UGT2B17: variants seen among roughly 807,000 people sequenced by gnomAD.
The protein encoded by UGT2B17 is UDP-glucuronosyltransferase 2B17.
A neutral mutation model predicts 48.2 loss-of-function variants in UGT2B17; 21 were observed. The ratio of observed to expected loss-of-function variants is 0.44; its 90% CI spans 0.31 to 0.63. The LOEUF (loss-of-function observed/expected upper bound fraction) is 0.63. Ranked by LOEUF, UGT2B17 falls within the 20% of genes least tolerant of loss-of-function variation. UGT2B17 has a pLI of 0.08. For missense variants in UGT2B17, 402 were observed against 696.1 expected (o/e 0.58, Z 4.75); for synonymous variants, 146 against 238.4 (o/e 0.61, Z 3.57).
chr4:68,559,614 CA>C (rs1731065707), intron 4 of UGT2B17, among the ~76,000 whole-genome samples: 1 of 126,124 alleles, frequency 7.9e-6, no homozygotes. Flanking sequence ...GTGTTTTCAG[CA>C]AAAACTTGCA....
intron 4 of UGT2B17, among the ~76,000 whole-genome samples, chr4:68,552,115 G>A (rs1730926675): frequency 1.6e-5 from 2 of 126,046 alleles, no homozygotes; most frequent in Admixed American, 8.1e-5. Context: ...AATCAATTTG[G>A]TATATAAAAA....
In UGT2B17 at chr4:68,538,991, C is replaced by T. The variant is rs1466750481; in HGVS notation, c.1314-1087G>A. Reference sequence around the variant, plus strand: ...AATGATACCTCTTAGAGAGTGTTTTCCTGGCCACACTATAGGCACCCATAG... The same window carrying T: ...AATGATACCTCTTAGAGAGTGTTTTTCTGGCCACACTATAGGCACCCATAG... On this transcript the variant is annotated intron_variant, in intron 6 of 6. Coordinates refer to ENST00000317746, the MANE Select transcript of UGT2B17 (RefSeq NM_001077.4). Among the ~76,000 whole-genome samples the T allele has an allele frequency of 5.6e-5, 7 of 125,820 alleles. 1 individual carries two copies. The highest frequency in any genetic ancestry group is 1.9e-4 in the African/African-American group (7 of 36,868). The allele number at this position is 125,820 out of a possible 152,430, so 82.5% of individuals were successfully genotyped here.
rs1220047060 is a variant in UGT2B17 at position 68,541,912 on chromosome 4, A to G, written c.1314-4008T>C. ...TTTATTAAATAGGGAATCCTTTCCC[A>G]TTGCTTGTTTTTGTCAGTTTTGTCG... On this transcript the variant is annotated intron_variant, in intron 6 of 6. Transcript: ENST00000317746. Among the ~76,000 whole-genome samples the G allele has an allele frequency of 4.0e-5, 5 of 125,800 alleles. 2 individuals are homozygous for G. The highest frequency in any genetic ancestry group is 1.4e-4 in the African/African-American group (5 of 36,716). The allele number at this position is 125,800 out of a possible 152,430, so 82.5% of individuals were successfully genotyped here.
chr4:68,568,990 ACT>A (rs1731257465), intron 1 of UGT2B17, among the ~76,000 whole-genome samples: 1 of 137,204 alleles, frequency 7.3e-6, no homozygotes, highest in Admixed American at 7.3e-5. Context: ...CTAACCCCCC[ACT>A]CTGAAATTTT....
At chr4:68,543,885 A>T (rs920514576) in intron 6 of UGT2B17, among the ~76,000 whole-genome samples, 3 of 125,896 alleles carry the variant, frequency 2.4e-5, no homozygotes, top group African/African-American at 8.2e-5. Context: ...TTAGACAAAA[A>T]AGAATAAAAA....
chr4:68,550,565 A>T, intron 6 of UGT2B17, 112 bp downstream of exon 6: 2 of 833,594 alleles, frequency 2.4e-6, no homozygotes, highest in Non-Finnish European at 3.2e-6. Flanking sequence ...TACATTGGTT[A>T]AATCACTTCA....
chr4:68,543,207 C>A lies in UGT2B17; in HGVS notation c.1314-5303G>T. Among the ~76,000 whole-genome samples the A allele has an allele frequency of 1.6e-5, 2 of 125,472 alleles. 1 individual carries two copies. The highest frequency in any genetic ancestry group is 3.4e-5 in the Non-Finnish European group (2 of 59,324). The allele number at this position is 125,472 out of a possible 152,430, so 82.3% of individuals were successfully genotyped here. On this transcript the variant is annotated intron_variant, in intron 6 of 6. Transcript: ENST00000317746. ...ACCCCCCAGTAGGGGCAGACTGACA[C>A]CTCACACAGCCGGGTACTCCTCTGA...
At position 68,568,306 on chromosome 4, in the gene UGT2B17, G is replaced by A. The variant is rs771241716; in HGVS notation, c.179C>T (p.Ala60Val). 5.8e-5 allele frequency: 80 copies of A among 1,378,070 alleles called. 13 individuals are homozygous for A. The Middle Eastern group carries it at 1.2e-3, about 21-fold the overall frequency. The allele number at this position is 1,378,070 out of a possible 1,614,324, so 85.4% of individuals were successfully genotyped here. ...GHEVIVLTSS[A>V]SILVNASKSS... ...TTTACTGGCATTGACAAGAATAGAA[G>A]CCGAAGATGTCAACACAATCACCTC... The change falls in exon 2 of 7, where the codon GCT (alanine) becomes GTT (valine). Residue 60 changes from alanine to valine, a missense_variant. Coordinates refer to ENST00000317746, the MANE Select transcript of UGT2B17 (RefSeq NM_001077.4).
At position 68,544,844 on chromosome 4, in the gene UGT2B17, A is replaced by G. The variant is rs1302179272; in HGVS notation, c.1313+5833T>C. ...AAACCAGCAAAGATCAAAAGAGACA[A>G]GGCCATTACATAATGGTAAAGGGAT... On this transcript the variant is annotated intron_variant, in intron 6 of 6. Coordinates refer to ENST00000317746, the MANE Select transcript of UGT2B17 (RefSeq NM_001077.4). 1.6e-5 allele frequency among the ~76,000 whole-genome samples: 2 copies of G among 126,378 alleles called. 1 individual carries two copies. The highest frequency in any genetic ancestry group is 3.4e-5 in the Non-Finnish European group (2 of 59,656). 82.9% of individuals were successfully genotyped at this position (126,378 alleles called of 152,430 possible). A position where few individuals can be genotyped will look rare whatever the true frequency, so the allele number is the denominator to read the frequency against.
rs936128497 is a variant in UGT2B17, at chr4:68,572,496, C to T, written c.-65+3455G>A. Among the ~76,000 whole-genome samples, 15 of 125,432 alleles carry T rather than the reference C, an allele frequency of 1.2e-4. 3 individuals carry two copies. The highest frequency in any genetic ancestry group is 2.2e-4 in the Non-Finnish European group (13 of 59,396). 82.3% of individuals were successfully genotyped at this position (125,432 alleles called of 152,430 possible). A position where few individuals can be genotyped will look rare whatever the true frequency, so the allele number is the denominator to read the frequency against. On this transcript the variant is annotated intron_variant, in intron 1 of 6. Transcript: ENST00000317746. Reference sequence around the variant, plus strand: ...AATTTTTTTAGAGTCCTCGGGCGTCCGTGATATTAGTGTTAGTCAGTTTTG... The same window carrying T: ...AATTTTTTTAGAGTCCTCGGGCGTCTGTGATATTAGTGTTAGTCAGTTTTG...
intron 3 of UGT2B17, among the ~76,000 whole-genome samples, chr4:68,563,453 T>C (rs566013233): frequency 1.6e-5 from 2 of 126,048 alleles, no homozygotes; most frequent in African/African-American, 2.7e-5. Context: ...CTACTAAAAA[T>C]ACAAAAATTA....
intron 5 of UGT2B17, 56 bp downstream of exon 5, chr4:68,551,768 A>G: frequency 9.3e-7 from 1 of 1,069,544 alleles, no homozygotes; most frequent in Non-Finnish European, 1.2e-6. Flanking sequence ...TTGAAATATT[A>G]TCACTTCTAA....
At position 68,551,470 on chromosome 4, in the gene UGT2B17, A is replaced by AT. The variant is rs1730913297; in HGVS notation, c.1093+353dup. Reference sequence around the variant, plus strand: ...CACTGGTAATAGAAGAATGTCTGTTATTTTTCAGTACCTGTTGAAATAACC... The same window carrying AT: ...CACTGGTAATAGAAGAATGTCTGTTATTTTTTCAGTACCTGTTGAAATAACC... On this transcript the variant is annotated intron_variant, in intron 5 of 6. Coordinates refer to ENST00000317746, the MANE Select transcript of UGT2B17 (RefSeq NM_001077.4). Among the ~76,000 whole-genome samples, 2 of 124,586 alleles carry AT rather than the reference A, an allele frequency of 1.6e-5. 1 individual carries two copies. Among genetic ancestry groups the AT allele is most frequent in the African/African-American group, 5.5e-5 (2 of 36,626 alleles). 81.7% of individuals were successfully genotyped at this position (124,586 alleles called of 152,430 possible). A position where few individuals can be genotyped will look rare whatever the true frequency, so the allele number is the denominator to read the frequency against.
intron 3 of UGT2B17, among the ~76,000 whole-genome samples, chr4:68,561,668 A>G (rs1423646362): frequency 8.1e-6 from 1 of 123,188 alleles, no homozygotes; most frequent in African/African-American, 2.8e-5. Flanking sequence ...AGCTCCTGGT[A>G]AATATGTGTT....
Position 68,567,867 on chromosome 4 carries a change from C to A in UGT2B17, c.618G>T (p.Met206Ile), listed in dbSNP as rs765305136. ...PVVMSELSDQ[M>I]IFMERIKNMI... ...TATTTTTTATCCTCTCCATGAAAAT[C>A]ATTTGATCACTTAATTCTGACATAA... is the stretch of plus-strand genomic sequence containing the variant. The change falls in exon 2 of 7, where the codon ATG (methionine) becomes ATT (isoleucine). Residue 206 changes from methionine to isoleucine, a missense_variant. Physicochemically the swap from Met to Ile is conservative, Grantham distance 10. This residue lies in a region of UGT2B17 where 106 missense variants were observed against 169.8 expected (regional missense o/e 0.62). Transcript: ENST00000317746. 9 of 1,376,762 alleles carry A rather than the reference C, an allele frequency of 6.5e-6. 3 individuals are homozygous for A. Among genetic ancestry groups the A allele is most frequent in the Middle Eastern group, 3.9e-4 (2 of 5,180 alleles). 85.3% of individuals were successfully genotyped at this position (1,376,762 alleles called of 1,614,324 possible). A position where few individuals can be genotyped will look rare whatever the true frequency, so the allele number is the denominator to read the frequency against.
At position 68,545,718 on chromosome 4, in the gene UGT2B17, T is replaced by C. The variant is rs369571621; in HGVS notation, c.1313+4959A>G. The stretch of plus-strand genomic sequence containing the variant: ...AGAAAAGAGAGACGAATCAAATAGA[T>C]GGAATAAAAATGATTAAGGGGGTAT... On this transcript the variant is annotated intron_variant, in intron 6 of 6. Transcript: ENST00000317746. Among the ~76,000 whole-genome samples, 17 of 124,402 alleles carry C rather than the reference T, an allele frequency of 1.4e-4. 6 individuals are homozygous for C. In the East Asian group the frequency reaches 8.4e-3, roughly 62 times the overall value. The allele number at this position is 124,402 out of a possible 152,430, so 81.6% of individuals were successfully genotyped here.
Position 68,547,227 on chromosome 4 carries a change from A to C in UGT2B17, c.1313+3450T>G, listed in dbSNP as rs1241390781. 1.6e-5 allele frequency among the ~76,000 whole-genome samples: 2 copies of C among 123,458 alleles called. 1 individual carries two copies. The highest frequency in any genetic ancestry group is 3.4e-5 in the Non-Finnish European group (2 of 58,550). The allele number at this position is 123,458 out of a possible 152,430, so 81.0% of individuals were successfully genotyped here. A position where few individuals can be genotyped will look rare whatever the true frequency, so the allele number is the denominator to read the frequency against. ...GCATGGTACTGGTACCAAAACAGAGATATAGACCAATGGAACAGAACAGAG... is the reference window on the plus strand; with the variant it reads ...GCATGGTACTGGTACCAAAACAGAGCTATAGACCAATGGAACAGAACAGAG... On this transcript the variant is annotated intron_variant, in intron 6 of 6. Transcript: ENST00000317746.
In UGT2B17 at chr4:68,553,975, T is replaced by TA. The variant is rs573223843; in HGVS notation, c.1006-2065dup. 8.8e-5 allele frequency among the ~76,000 whole-genome samples: 11 copies of TA among 124,800 alleles called. 4 individuals carry two copies. In the South Asian group the frequency reaches 4.2e-3, roughly 48 times the overall value. 81.9% of individuals were successfully genotyped at this position (124,800 alleles called of 152,430 possible). On this transcript the variant is annotated intron_variant, in intron 4 of 6. Transcript: ENST00000317746. ...TGGGAGTGTCTTGGGTTTGACCCCC[T>TA]ATGACATGCAGTGGTCCTGCAGGGA...
Position 68,538,550 on chromosome 4 carries a change from T to C in UGT2B17, c.1314-646A>G, listed in dbSNP as rs182658126. 2.6e-3 allele frequency among the ~76,000 whole-genome samples: 327 copies of C among 126,210 alleles called. 67 individuals are homozygous for C. The highest frequency in any genetic ancestry group is 8.4e-3 in the African/African-American group (312 of 37,002). 82.8% of individuals were successfully genotyped at this position (126,210 alleles called of 152,430 possible). ...ACTGTGCCCAGCCCATTTTGACATA[T>C]TTAAAGAAGAATTGTGTCACAACTG... is the stretch of plus-strand genomic sequence containing the variant. On this transcript the variant is annotated intron_variant, in intron 6 of 6. Coordinates refer to ENST00000317746, the MANE Select transcript of UGT2B17 (RefSeq NM_001077.4).
Sources: allele counts gnomAD v4.1 joint callset (sites outside exome capture counted in the v4.1 genomes callset), GRCh38; gene constraint gnomAD v4.1.1; regional missense constraint gnomAD v4.1.1; transcripts MANE v1.5; gene names NCBI Gene and HGNC (gene_info 2026-07-23, HGNC 2026-07-21).